The following CEP85L variants were observed in gnomAD, a reference collection of about 807,000 sequenced individuals.
CEP85L encodes centrosomal protein of 85 kDa-like.
A neutral mutation model predicts 100.3 loss-of-function variants in CEP85L; 60 were observed. The ratio of observed to expected loss-of-function variants is 0.60; its 90% CI spans 0.49 to 0.74. The LOEUF (loss-of-function observed/expected upper bound fraction) is 0.74. Among genes scored for constraint, CEP85L ranks in the 30% least tolerant of loss-of-function variants. CEP85L has a pLI of 0.00. For synonymous variants in CEP85L, 319 were observed against 322.7 expected, an observed-to-expected ratio of 0.99 and a Z score of 0.12; for missense variants, 973 against 936.2, an observed-to-expected ratio of 1.04 and a Z score of -0.51.
chr6:118,613,116 G>C (rs1583167141), intron 2 of CEP85L, among the ~76,000 whole-genome samples: 1 of 152,200 alleles, frequency 6.6e-6, no homozygotes, highest in African/African-American at 2.4e-5. Flanking sequence ...GGAGGCTGAG[G>C]CAAGAGAATC....
At position 118,631,918 on chromosome 6, in the gene CEP85L, ATATAAATCTATAAT is replaced by A; in HGVS notation, c.232+521_232+534del. Among the ~76,000 whole-genome samples the A allele has an allele frequency of 1.3e-5, 2 of 152,220 alleles. 1 individual carries two copies. On this transcript the variant is annotated intron_variant, in intron 2 of 12. Coordinates refer to ENST00000368491, the MANE Select transcript of CEP85L (RefSeq NM_001042475.3). ...CAACACTATTATTTCTTAAAACTGT[ATATAAATCTATAAT>A]TATCTCAAAGTAAGAAGTTTAGTTA...
intron 5 of CEP85L, chr6:118,502,756 C>A (rs1327260630): frequency 2.3e-5 from 13 of 565,310 alleles, no homozygotes; most frequent in South Asian, 3.7e-5. Flanking sequence ...AACAGGTGAC[C>A]AATAATCTTA....
chr6:118,655,252 C>T (rs1775747298), upstream of CEP85L, among the ~76,000 whole-genome samples: 1 of 152,108 alleles, frequency 6.6e-6, no homozygotes, highest in African/African-American at 2.4e-5. Flanking sequence ...CTCACCTGTA[C>T]CTTTGACTCC....
intron 2 of CEP85L, among the ~76,000 whole-genome samples, chr6:118,592,412 A>C (rs1781243734): frequency 6.6e-6 from 1 of 151,894 alleles, no homozygotes; most frequent in Non-Finnish European, 1.5e-5. Flanking sequence ...AGAATTTTAA[A>C]ATAAGTTATA....
intron 2 of CEP85L, among the ~76,000 whole-genome samples, chr6:118,595,953 A>G (rs1357313028): frequency 6.6e-6 from 1 of 152,216 alleles, no homozygotes; most frequent in Non-Finnish European, 1.5e-5. Flanking sequence ...ATACAATCTA[A>G]AAGTAAAATT....
chr6:118,656,465 A>C (rs74585064), upstream of CEP85L, among the ~76,000 whole-genome samples: 4,392 of 152,270 alleles, frequency 0.029, 100 homozygotes, highest in African/African-American at 0.056. Flanking sequence ...TTGAGACTGC[A>C]GAGATGAGAC....
intron 5 of CEP85L, among the ~76,000 whole-genome samples, chr6:118,500,283 G>T (rs899085388): frequency 1.3e-5 from 2 of 152,128 alleles, no homozygotes; most frequent in Non-Finnish European, 2.9e-5. Flanking sequence ...ATGCCAAAGG[G>T]ACCGTGACCA....
chr6:118,698,932 C>A (rs1777305822), intron 1 of CEP85L, among the ~76,000 whole-genome samples: 1 of 152,004 alleles, frequency 6.6e-6, no homozygotes, highest in Non-Finnish European at 1.5e-5. Flanking sequence ...AAACTCTATT[C>A]TATAGGTCAG....
chr6:118,471,895 T>C (rs975144960), intron 10 of CEP85L, among the ~76,000 whole-genome samples: 1 of 151,904 alleles, frequency 6.6e-6, no homozygotes, highest in African/African-American at 2.4e-5. Context: ...TGGAGAGTTA[T>C]TTACCTAGCT....
chr6:118,703,179 C>G (rs981616809), intron 1 of CEP85L, among the ~76,000 whole-genome samples: 1 of 151,926 alleles, frequency 6.6e-6, no homozygotes, highest in African/African-American at 2.4e-5. Flanking sequence ...ATTACTATTT[C>G]TGTAGTTCTT....
At chr6:118,660,776 T>C (rs1037931915) in intron 1 of CEP85L, among the ~76,000 whole-genome samples, 5 of 152,260 alleles carry the variant, frequency 3.3e-5, no homozygotes, top group African/African-American at 1.2e-4. Context: ...ATGTCTGTAA[T>C]TGCCTCATTA....
At chr6:118,583,434 C>G (rs750910354) in intron 2 of CEP85L, among the ~76,000 whole-genome samples, 1 of 152,270 alleles carries the variant, frequency 6.6e-6, no homozygotes, top group South Asian at 2.1e-4. Flanking sequence ...GGGAGACTTA[C>G]TATTTAAACA....
chr6:118,511,748 A>G (rs1356432212), intron 4 of CEP85L, among the ~76,000 whole-genome samples: 1 of 152,138 alleles, frequency 6.6e-6, no homozygotes, highest in Non-Finnish European at 1.5e-5. Flanking sequence ...ATGAGTAAAC[A>G]AATAGCTTGA....
chr6:118,700,474 T>G (rs1262921883), intron 1 of CEP85L, among the ~76,000 whole-genome samples: 1 of 152,262 alleles, frequency 6.6e-6, no homozygotes, highest in Non-Finnish European at 1.5e-5. Context: ...TGCTGAATTC[T>G]GTGTGATCTA....
At chr6:118,613,757 C>CAAAAAAAAAA (rs370753175) in intron 2 of CEP85L, among the ~76,000 whole-genome samples, 4 of 102,612 alleles carry the variant, frequency 3.9e-5, no homozygotes, top group Admixed American at 1.1e-4. Flanking sequence ...ATCTGTGTCT[C>CAAAAAAAAAA]AAAAAAAAAA....
intron 1 of CEP85L, among the ~76,000 whole-genome samples, chr6:118,673,734 A>G (rs890844973): frequency 6.6e-6 from 1 of 152,140 alleles, no homozygotes; most frequent in East Asian, 1.9e-4. Flanking sequence ...TTAACTGTGA[A>G]CTCCACCCAT....
At chr6:118,506,827 G>C (rs975743457) in intron 5 of CEP85L, among the ~76,000 whole-genome samples, 1 of 152,110 alleles carries the variant, frequency 6.6e-6, no homozygotes, top group Non-Finnish European at 1.5e-5. Flanking sequence ...ACCTTTATCT[G>C]CCTTCTCTGA....
chr6:118,541,062 T>C (rs901398590), intron 3 of CEP85L, among the ~76,000 whole-genome samples: 5 of 152,154 alleles, frequency 3.3e-5, no homozygotes, highest in African/African-American at 1.2e-4. Context: ...GGAAAAAAAA[T>C]CAATGTATTA....
intron 2 of CEP85L, among the ~76,000 whole-genome samples, chr6:118,585,456 G>C (rs1780803058): frequency 6.6e-6 from 1 of 152,200 alleles, no homozygotes; most frequent in South Asian, 2.1e-4. Context: ...AGCTAAGTCA[G>C]CAGCAAGGAA....
Sources: gnomAD v4.1 joint callset for allele counts (sites outside exome capture counted in the v4.1 genomes callset) on GRCh38, gnomAD v4.1.1 for gene constraint, MANE v1.5 for transcripts, NCBI Gene and HGNC (gene_info 2026-07-23, HGNC 2026-07-21) for gene names.